Variants in DNAH11 observed in about 807,000 individuals in gnomAD.
The protein encoded by DNAH11 is dynein axonemal heavy chain 11, also known as axonemal beta dynein heavy chain 11.
Under a neutral mutation model 526.0 loss-of-function variants are expected in DNAH11, and 442 were observed. That is an observed-to-expected ratio of 0.84 (90% CI 0.78 to 0.91). The LOEUF (loss-of-function observed/expected upper bound fraction) is 0.91, where lower values mean the gene tolerates loss of function less well. Among genes scored for constraint, DNAH11 ranks in the 40% least tolerant of loss-of-function variants. The pLI is 0.00. For synonymous variants in DNAH11, 2,461 were observed against 1,935.9 expected, an observed-to-expected ratio of 1.27 and a Z score of -7.12; for missense variants, 6,989 against 5,448.7, an observed-to-expected ratio of 1.28 and a Z score of -8.90.
At chr7:21,856,154 CAG>C (rs1190908468) in intron 68 of DNAH11, among the ~76,000 whole-genome samples, 2 of 152,086 alleles carry the variant, frequency 1.3e-5, no homozygotes, top group Non-Finnish European at 1.5e-5. Context: ...CTGAATCACG[CAG>C]AGTTTTGTAG....
At chr7:21,762,924 A>G (rs969516288) in intron 54 of DNAH11, among the ~76,000 whole-genome samples, 10 of 152,220 alleles carry the variant, frequency 6.6e-5, no homozygotes, top group African/African-American at 2.4e-4. Flanking sequence ...CAACAGAATG[A>G]AAGACAACCT....
intron 30 of DNAH11, among the ~76,000 whole-genome samples, chr7:21,664,201 C>T (rs952535296): frequency 9.1e-6 from 1 of 110,098 alleles, no homozygotes. Context: ...GGTTTCTATT[C>T]TTTAATCTTA....
chr7:21,673,955 T>C (rs1562744897), intron 30 of DNAH11, among the ~76,000 whole-genome samples: 1 of 152,052 alleles, frequency 6.6e-6, no homozygotes, highest in Non-Finnish European at 1.5e-5. Context: ...TGGGCTGCTG[T>C]TTACTTCACC....
intron 77 of DNAH11, 94 bp from the exon 78 acceptor site, chr7:21,894,529 A>G: frequency 7.6e-7 from 1 of 1,311,394 alleles, no homozygotes; most frequent in African/African-American, 1.5e-5. Context: ...GTCGTATGAT[A>G]TATTCTGTAA....
At chr7:21,676,141 G>A (rs1213803509) in intron 30 of DNAH11, among the ~76,000 whole-genome samples, 2 of 152,262 alleles carry the variant, frequency 1.3e-5, no homozygotes, top group Non-Finnish European at 2.9e-5. Context: ...CAAAAGTTTG[G>A]ATTTTACTCT....
chr7:21,702,618 C>G, intron 36 of DNAH11, 92 bp from the exon 37 acceptor site: 2 of 982,002 alleles, frequency 2.0e-6, no homozygotes, highest in South Asian at 1.4e-5. Flanking sequence ...TTTATCTGAA[C>G]TCCTTCTTAA....
intron 45 of DNAH11, among the ~76,000 whole-genome samples, chr7:21,733,435 C>T (rs999251581): frequency 1.3e-5 from 2 of 152,162 alleles, no homozygotes; most frequent in African/African-American, 4.8e-5. Context: ...CCAAAAGTGC[C>T]TGCTCCCTCC....
At chr7:21,898,250 TTTC>T (rs768807796) in intron 79 of DNAH11, among the ~76,000 whole-genome samples, 2 of 152,222 alleles carry the variant, frequency 1.3e-5, no homozygotes, top group Admixed American at 1.3e-4. Flanking sequence ...GCCTATGCTG[TTTC>T]TTCTTCTTAT....
intron 65 of DNAH11, among the ~76,000 whole-genome samples, chr7:21,841,826 A>G (rs1437148273): frequency 2.2e-4 from 34 of 152,234 alleles, no homozygotes; most frequent in Non-Finnish European, 1.5e-5. Flanking sequence ...ACATTGCACT[A>G]CAAAAGCCCT....
At chr7:21,896,033 CTT>C (rs1253971561) in intron 79 of DNAH11, among the ~76,000 whole-genome samples, 3 of 152,188 alleles carry the variant, frequency 2.0e-5, no homozygotes, top group Non-Finnish European at 2.9e-5. Flanking sequence ...CTGGCCCACA[CTT>C]TTGATTTTTC....
At chr7:21,622,341 C>T (rs138726447) in intron 25 of DNAH11, among the ~76,000 whole-genome samples, 3,743 of 152,238 alleles carry the variant, frequency 0.025, 159 homozygotes, top group African/African-American at 0.085. Flanking sequence ...AATGGAAGAA[C>T]GTTCCATGCT....
chr7:21,877,132 T>G (rs1223637556), intron 74 of DNAH11, among the ~76,000 whole-genome samples: 1 of 152,246 alleles, frequency 6.6e-6, no homozygotes, highest in Non-Finnish European at 1.5e-5. Flanking sequence ...TTGTTCCTGT[T>G]GCCTGGGTGT....
chr7:21,728,237 C>CTTTTTTTTTTTTTTTTTTTTTTT (rs71026816), intron 45 of DNAH11, among the ~76,000 whole-genome samples: 1 of 58,870 alleles, frequency 1.7e-5, no homozygotes, highest in African/African-American at 7.7e-5. Context: ...GCCCACAATT[C>CTTTTTTTTTTTTTTTTTTTTTTT]TTTTTTTTTT....
chr7:21,858,587 T>C (rs1472345893), intron 68 of DNAH11, among the ~76,000 whole-genome samples: 3 of 152,090 alleles, frequency 2.0e-5, no homozygotes, highest in Non-Finnish European at 4.4e-5. Flanking sequence ...CACCAAACGA[T>C]TATGTTGAAA....
At chr7:21,774,022 C>G (rs140858188) in intron 56 of DNAH11, 23 bp downstream of exon 56, 2 of 1,511,498 alleles carry the variant, frequency 1.3e-6, no homozygotes, top group African/African-American at 2.8e-5. Context: ...TGTGTTATTA[C>G]TGAGTAATAT....
intron 36 of DNAH11, among the ~76,000 whole-genome samples, chr7:21,701,961 G>A (rs1033013762): frequency 6.6e-6 from 1 of 152,152 alleles, no homozygotes; most frequent in African/African-American, 2.4e-5. Flanking sequence ...TAAGCAGTTA[G>A]TTCGTTAGGA....
At chr7:21,619,464 A>G (rs983819265) in intron 24 of DNAH11, among the ~76,000 whole-genome samples, 19 of 152,124 alleles carry the variant, frequency 1.2e-4, no homozygotes, top group Non-Finnish European at 1.9e-4. Flanking sequence ...CATATCCTTT[A>G]TTTTGTAGCC....
At chr7:21,697,802 C>A (rs1013439088) in intron 35 of DNAH11, among the ~76,000 whole-genome samples, 2 of 152,220 alleles carry the variant, frequency 1.3e-5, no homozygotes, top group African/African-American at 2.4e-5. Context: ...TGACAACTTA[C>A]ACCAGACGTT....
intron 62 of DNAH11, 80 bp downstream of exon 62, chr7:21,801,355 A>G: frequency 1.3e-6 from 2 of 1,542,842 alleles, no homozygotes; most frequent in Non-Finnish European, 1.8e-6. Flanking sequence ...CATCAATAAT[A>G]ACTAAATAGA....
Sources: allele counts gnomAD v4.1 joint callset (sites outside exome capture counted in the v4.1 genomes callset), GRCh38; gene constraint gnomAD v4.1.1; transcripts MANE v1.5; gene names NCBI Gene and HGNC (gene_info 2026-07-23, HGNC 2026-07-21).